NFKBIZ: variants seen among roughly 807,000 people sequenced by gnomAD.
The protein encoded by NFKBIZ is NF-kappa-B inhibitor zeta.
A neutral mutation model predicts 76.8 loss-of-function variants in NFKBIZ; 19 were observed. The observed-to-expected ratio is 0.25, with a 90% CI of 0.17 to 0.36. The LOEUF is 0.36. Ranked by LOEUF, NFKBIZ falls within the 10% of genes least tolerant of loss-of-function variation. The pLI is 1.00. For missense variants in NFKBIZ, 829 were observed against 910.9 expected, an observed-to-expected ratio of 0.91 and a Z score of 1.16; for synonymous variants, 368 against 354.8, an observed-to-expected ratio of 1.04 and a Z score of -0.42.
intron 1 of NFKBIZ, among the ~76,000 whole-genome samples, chr3:101,829,363 A>T (rs1254322443): frequency 2.6e-5 from 4 of 152,166 alleles, no homozygotes; most frequent in African/African-American, 9.7e-5. Flanking sequence ...AGCTGTTCAG[A>T]TACAGACTTT....
upstream of NFKBIZ, chr3:101,849,506 C>A (rs1942911135): frequency 1.2e-6 from 1 of 856,404 alleles, no homozygotes; most frequent in Non-Finnish European, 1.6e-6. Flanking sequence ...CAGTCCCGCG[C>A]CGCGCCCGTA....
Position 101,855,435 on chromosome 3 carries a change from A to G in NFKBIZ, c.1631A>G (p.Asp544Gly), listed in dbSNP as rs1943034609. ...KGAVGSNQFVDLEATNYDGLT... is the reference protein window; with the variant it reads ...KGAVGSNQFVGLEATNYDGLT... ...GCAGTGGGAAGTAATCAGTTTGTGG[A>G]TCTTGAGGCAACTAACTATGATGGT... The change falls in exon 8 of 12, where the codon GAT (aspartate) becomes GGT (glycine). Residue 544 changes from aspartate to glycine, a missense_variant. This residue lies in a region of NFKBIZ where 272 missense variants were observed against 384.2 expected (regional missense o/e 0.71). Coordinates refer to ENST00000326172, the MANE Select transcript of NFKBIZ (RefSeq NM_031419.4). 1.9e-6 allele frequency: 3 copies of G among 1,614,070 alleles called. No homozygotes were observed.
upstream of NFKBIZ, chr3:101,849,483 T>C (rs1313876245): frequency 3.1e-6 from 2 of 649,380 alleles, no homozygotes; most frequent in Non-Finnish European, 4.3e-6. Flanking sequence ...CTGCGGCCCG[T>C]TAAATACCCT....
At chr3:101,828,924 C>T (rs1006347052) in intron 1 of NFKBIZ, among the ~76,000 whole-genome samples, 1 of 152,140 alleles carries the variant, frequency 6.6e-6, no homozygotes, top group Admixed American at 6.5e-5. Context: ...TATATTTCCT[C>T]TATTTAAATC....
chr3:101,849,453 G>A, upstream of NFKBIZ: 1 of 452,726 alleles, frequency 2.2e-6, no homozygotes, highest in Non-Finnish European at 3.5e-6. Flanking sequence ...CGGGCCGGGC[G>A]CCGGGGAGGT....
At chr3:101,844,634 G>A (rs578011612), upstream of NFKBIZ, among the ~76,000 whole-genome samples, 49 of 152,134 alleles carry the variant, frequency 3.2e-4, no homozygotes, top group Non-Finnish European at 4.3e-4. Flanking sequence ...GAATATAACC[G>A]AAATAGCAAG....
At position 101,859,355 on chromosome 3, in the gene NFKBIZ, G is replaced by C. The variant is rs749114882; in HGVS notation, c.2141G>C (p.Arg714Thr). The change falls in exon 12 of 12, where the codon AGA becomes ACA. Residue 714 changes from arginine to threonine, a missense_variant. This residue lies in a region of NFKBIZ where 272 missense variants were observed against 384.2 expected (regional missense o/e 0.71). Coordinates refer to ENST00000326172, the MANE Select transcript of NFKBIZ (RefSeq NM_031419.4). ...CTGAAGGGAAAGTCCATTCAGCAGA[G>C]AGCTCCACCGTATTAGCTCCATTAG... ...RILKGKSIQQ[R>T]APPY 4.3e-6 allele frequency: 7 copies of C among 1,613,546 alleles called. No individual in the cohort carries two copies. Among genetic ancestry groups the C allele is most frequent in the Non-Finnish European group, 5.9e-6 (7 of 1,179,676 alleles).
intron 2 of NFKBIZ, among the ~76,000 whole-genome samples, chr3:101,838,443 G>A (rs1027372008): frequency 1.3e-5 from 2 of 152,320 alleles, no homozygotes; most frequent in African/African-American, 4.8e-5. Flanking sequence ...TTAAAGCAAG[G>A]GTTGGCAGAC....
upstream of NFKBIZ, among the ~76,000 whole-genome samples, chr3:101,845,377 T>C (rs1380045043): frequency 6.6e-6 from 1 of 151,216 alleles, no homozygotes; most frequent in Non-Finnish European, 1.5e-5. Flanking sequence ...TACTGCAGCC[T>C]TGACTTCTTG....
At position 101,830,177 on chromosome 3, in the gene NFKBIZ, G is replaced by A. The variant is rs1439048518; in HGVS notation, c.-12+489G>A. 3.3e-5 allele frequency among the ~76,000 whole-genome samples: 5 copies of A among 152,234 alleles called. No individual in the cohort carries two copies. The South Asian group carries it at 1.0e-3, about 32-fold the overall frequency. ...TAAAATACCTTCCTTTCAACCGTAG[G>A]GAATGAAAATATTTACTGCCGCTGA... is the stretch of plus-strand genomic sequence containing the variant. On this transcript the variant is annotated intron_variant, in intron 2 of 12. Transcript: ENST00000394054.
chr3:101,852,831 T>C, intron 3 of NFKBIZ, 55 bp from the exon 4 acceptor site: 1 of 1,601,350 alleles, frequency 6.2e-7, no homozygotes, highest in South Asian at 1.1e-5. Context: ...AGTGTAATTA[T>C]GGGTAACATT....
At chr3:101,851,913 G>A (rs1167688071) in intron 1 of NFKBIZ, among the ~76,000 whole-genome samples, 172 bp from the exon 2 acceptor site, 1 of 152,220 alleles carries the variant, frequency 6.6e-6, no homozygotes, top group African/African-American at 2.4e-5. Context: ...GGACCTTTGA[G>A]CAGAGCTCGG....
chr3:101,857,871 G>A, intron 11 of NFKBIZ: 1 of 909,514 alleles, frequency 1.1e-6, no homozygotes, highest in South Asian at 5.1e-5. Flanking sequence ...AATAGTCCCG[G>A]GTACAGAGTA....
chr3:101,855,913 A>G lies in NFKBIZ; in HGVS notation c.1824+11A>G. 6.3e-7 allele frequency: 1 copy of G among 1,598,208 alleles called. No homozygotes were observed. The highest frequency in any genetic ancestry group is 8.5e-7 in the Non-Finnish European group (1 of 1,171,384). On this transcript the variant is annotated intron_variant, in intron 9 of 11. Transcript: ENST00000326172. Reference sequence around the variant, plus strand: ...GCGGTGGAAGCGAAGGTAAATTCACAGAAAAGGTTTAAGATGGGGTAGGGG... The same window carrying G: ...GCGGTGGAAGCGAAGGTAAATTCACGGAAAAGGTTTAAGATGGGGTAGGGG...
chr3:101,853,628 G>C lies in NFKBIZ; in HGVS notation c.1102G>C (p.Asp368His), dbSNP rs1189412672. ...TTCCTCCAGTGTTCAGCAGCAAAAT[G>C]ATGCTCACTTGCACAGCTTCAGCAT... is the stretch of plus-strand genomic sequence containing the variant. ...QTSSSVQQQNDAHLHSFSMMP... is the reference protein window; with the variant it reads ...QTSSSVQQQNHAHLHSFSMMP... Residue 368 changes from aspartate (D) to histidine (H), a missense_variant, in exon 5 of 12, where the codon GAT becomes CAT. By Grantham distance (81) the Asp-to-His change is moderately conservative. This residue lies in a region of NFKBIZ where 371 missense variants were observed against 332.3 expected (regional missense o/e 1.12). Transcript: ENST00000326172. The C allele has an allele frequency of 1.2e-6, 2 of 1,614,246 alleles. No individual in the cohort carries two copies. Among genetic ancestry groups the C allele is most frequent in the South Asian group, 1.1e-5 (1 of 91,086 alleles).
chr3:101,830,756 T>C (rs1399132636), intron 2 of NFKBIZ, among the ~76,000 whole-genome samples: 2 of 152,214 alleles, frequency 1.3e-5, no homozygotes, highest in Non-Finnish European at 2.9e-5. Context: ...TCCATGTCTT[T>C]GCTATTGTAA....
At chr3:101,851,985 G>A (rs1942972290) in intron 1 of NFKBIZ, 100 bp from the exon 2 acceptor site, 14 of 1,417,576 alleles carry the variant, frequency 9.9e-6, no homozygotes, top group Non-Finnish European at 1.3e-5. Flanking sequence ...TGCTGCTTGG[G>A]GACTTTATAC....
Position 101,859,496 on chromosome 3 carries a change from A to G in NFKBIZ, c.*125A>G. The G allele has an allele frequency of 1.4e-6, 1 of 702,062 alleles. No individual in the cohort carries two copies. The highest frequency in any genetic ancestry group is 2.5e-6 in the Non-Finnish European group (1 of 396,236). The allele number at this position is 702,062 out of a possible 1,614,324, so 43.5% of individuals were successfully genotyped here. On this transcript the variant is annotated 3_prime_UTR_variant, in exon 12 of 12. Coordinates refer to ENST00000326172, the MANE Select transcript of NFKBIZ (RefSeq NM_031419.4). Reference sequence around the variant, plus strand: ...TTGTTTCTATGAAACAAACATATTTAGTTCACTATTATATAGTGGGTTATA... The same window carrying G: ...TTGTTTCTATGAAACAAACATATTTGGTTCACTATTATATAGTGGGTTATA...
At chr3:101,859,200 A>C in intron 11 of NFKBIZ, 118 bp from the exon 12 acceptor site, 1 of 697,884 alleles carries the variant, frequency 1.4e-6, no homozygotes, top group Non-Finnish European at 2.6e-6. Flanking sequence ...TTCTTCGTAT[A>C]CTTACAAGTT....
Sources: gnomAD v4.1 joint callset for allele counts (sites outside exome capture counted in the v4.1 genomes callset) on GRCh38, gnomAD v4.1.1 for gene constraint, gnomAD v4.1.1 regional missense constraint, MANE v1.5 for transcripts, NCBI Gene and HGNC (gene_info 2026-07-23, HGNC 2026-07-21) for gene names.